ZSWIM5: variants seen among roughly 807,000 people sequenced by gnomAD.
ZSWIM5 encodes the protein zinc finger SWIM domain-containing protein 5.
A neutral mutation model predicts 119.6 loss-of-function variants in ZSWIM5; 55 were observed. The ratio of observed to expected loss-of-function variants is 0.46; its 90% confidence interval spans 0.37 to 0.58. The LOEUF is 0.58. Ranked by LOEUF, ZSWIM5 falls within the 20% of genes least tolerant of loss-of-function variation. The probability of loss-of-function intolerance (pLI) is 0.00; values close to 1 mark genes in which losing one functional copy is unlikely to be tolerated. For missense variants in ZSWIM5, 1,193 were observed against 1,512.8 expected, an observed-to-expected ratio of 0.79 and a Z score of 3.51; for synonymous variants, 537 against 606.9, an observed-to-expected ratio of 0.88 and a Z score of 1.69.
rs562681857 is a variant in ZSWIM5, at chr1:45,172,241, C to T, written c.595+33515G>A. On this transcript the variant is annotated intron_variant, in intron 1 of 13. Transcript: ENST00000359600. ...CGGCTTCCCTATACTTTGTTTTGAC[C>T]GTATTTGCTGAGCAAATATTAATAG... 3.8e-4 allele frequency among the ~76,000 whole-genome samples: 58 copies of T among 152,032 alleles called. 1 individual carries two copies. The highest frequency in any genetic ancestry group is 1.2e-3 in the South Asian group (6 of 4,814).
At position 45,065,689 on chromosome 1, in the gene ZSWIM5, A is replaced by G. The variant is rs114565055; in HGVS notation, c.953-5442T>C. On this transcript the variant is annotated intron_variant, in intron 2 of 13. Transcript: ENST00000359600. Reference sequence around the variant, plus strand: ...GCTGGCCTACAATGGACCCCAGGAGAAACTGAGCTGCTAAAATGGGTGACA... The same window carrying G: ...GCTGGCCTACAATGGACCCCAGGAGGAACTGAGCTGCTAAAATGGGTGACA... Among the ~76,000 whole-genome samples the G allele has an allele frequency of 1.9e-3, 293 of 152,252 alleles. 1 individual carries two copies. The highest frequency in any genetic ancestry group is 6.6e-3 in the African/African-American group (273 of 41,546).
chr1:45,165,749 C>T (rs551995925), intron 1 of ZSWIM5, among the ~76,000 whole-genome samples: 1 of 151,904 alleles, frequency 6.6e-6, no homozygotes, highest in Non-Finnish European at 1.5e-5. Context: ...CACATACACC[C>T]TCCCAAGACT....
At chr1:45,173,959 C>T (rs923252359) in intron 1 of ZSWIM5, among the ~76,000 whole-genome samples, 1 of 151,984 alleles carries the variant, frequency 6.6e-6, no homozygotes, top group Non-Finnish European at 1.5e-5. Flanking sequence ...TATGTTTGTA[C>T]TGATTATAAT....
chr1:45,071,757 C>A, intron 2 of ZSWIM5, among the ~76,000 whole-genome samples: 1 of 152,130 alleles, frequency 6.6e-6, no homozygotes, highest in East Asian at 1.9e-4. Context: ...CTGCACCCAG[C>A]TGATCTCATT....
At chr1:45,064,861 CTT>C (rs1016401329) in intron 2 of ZSWIM5, among the ~76,000 whole-genome samples, 4 of 152,180 alleles carry the variant, frequency 2.6e-5, no homozygotes, top group Non-Finnish European at 4.4e-5. Context: ...AAGCCTGTCT[CTT>C]TACTACAAGG....
Position 45,093,869 on chromosome 1 carries a change from G to A in ZSWIM5, c.596-5632C>T, listed in dbSNP as rs191069745. Among the ~76,000 whole-genome samples, 421 of 147,722 alleles carry A rather than the reference G, an allele frequency of 2.8e-3. 1 individual carries two copies. The highest frequency in any genetic ancestry group is 9.9e-3 in the African/African-American group (395 of 39,950). On this transcript the variant is annotated intron_variant, in intron 1 of 13. Coordinates refer to ENST00000359600, the MANE Select transcript of ZSWIM5 (RefSeq NM_020883.2). Reference sequence around the variant, plus strand: ...TTGTTTTTTTTTTTTTTTGAGACAGGGTCTTGCTCCGTTACCCAGGCTGGA... The same window carrying A: ...TTGTTTTTTTTTTTTTTTGAGACAGAGTCTTGCTCCGTTACCCAGGCTGGA...
intron 5 of ZSWIM5, 120 bp from the exon 6 acceptor site, chr1:45,043,515 G>A: frequency 4.2e-6 from 4 of 963,394 alleles, no homozygotes; most frequent in Non-Finnish European, 6.2e-6. Context: ...AACTCTGGCA[G>A]CAGTATTGAG....
intron 1 of ZSWIM5, among the ~76,000 whole-genome samples, chr1:45,198,270 C>T (rs1646137925): frequency 6.6e-6 from 1 of 152,190 alleles, no homozygotes; most frequent in Admixed American, 6.5e-5. Flanking sequence ...GATCCGGAGG[C>T]ATTTCACTGA....
intron 1 of ZSWIM5, among the ~76,000 whole-genome samples, chr1:45,094,719 C>T (rs1019744416): frequency 2.0e-5 from 3 of 152,006 alleles, no homozygotes; most frequent in Non-Finnish European, 4.4e-5. Context: ...AAAAATTAGC[C>T]AGGCGTGGTG....
chr1:45,099,020 C>T (rs1645421013), intron 1 of ZSWIM5, among the ~76,000 whole-genome samples: 1 of 152,082 alleles, frequency 6.6e-6, no homozygotes, highest in African/African-American at 2.4e-5. Flanking sequence ...CATTCAAAAG[C>T]TAGCAGAAGG....
At chr1:45,164,336 G>A (rs1185985030) in intron 1 of ZSWIM5, among the ~76,000 whole-genome samples, 1 of 152,092 alleles carries the variant, frequency 6.6e-6, no homozygotes, top group African/African-American at 2.4e-5. Context: ...AACATGGAAA[G>A]GAACAACCGG....
intron 11 of ZSWIM5, among the ~76,000 whole-genome samples, chr1:45,033,437 A>T (rs1378660960): frequency 6.6e-6 from 1 of 152,138 alleles, no homozygotes; most frequent in African/African-American, 2.4e-5. Context: ...CCTGGTCTAA[A>T]ATATTCAGGA....
chr1:45,134,591 ACT>A (rs1557776306), intron 1 of ZSWIM5, among the ~76,000 whole-genome samples: 1 of 152,198 alleles, frequency 6.6e-6, no homozygotes, highest in Non-Finnish European at 1.5e-5. Flanking sequence ...TTCCATCCAG[ACT>A]GGAAAAAGCA....
At chr1:45,181,402 C>T (rs1646017812) in intron 1 of ZSWIM5, among the ~76,000 whole-genome samples, 1 of 151,936 alleles carries the variant, frequency 6.6e-6, no homozygotes, top group South Asian at 2.1e-4. Context: ...TAAAAAGAAA[C>T]AAACAAAGCC....
rs770774091 is a variant in ZSWIM5, at chr1:45,018,659, G to A, written c.3353C>T (p.Ala1118Val). Residue 1118 changes from alanine to valine, a missense_variant, in exon 14 of 14, where the codon GCC (alanine) becomes GTC (valine). Ala to Val is a moderately conservative substitution (Grantham distance 64). Coordinates refer to ENST00000359600, the MANE Select transcript of ZSWIM5 (RefSeq NM_020883.2). This position sits in a 1 kb window ranked among gnomAD's most constrained non-coding sequence, Gnocchi z 6.7. Reference protein sequence around the residue: ...LRQLLDATINAYINTTHSRLT... With the variant: ...LRQLLDATINVYINTTHSRLT... ...GCGTGAGTGTGTAGTGTTGATATAG[G>A]CATTGATGGTGGCATCCAGCAACTG... is the stretch of plus-strand genomic sequence containing the variant. 1.2e-6 allele frequency: 2 copies of A among 1,614,250 alleles called. No individual in the cohort carries two copies. Among genetic ancestry groups the A allele is most frequent in the South Asian group, 1.1e-5 (1 of 91,090 alleles).
At chr1:45,049,659 C>A (rs1235052382) in intron 5 of ZSWIM5, among the ~76,000 whole-genome samples, 1 of 151,974 alleles carries the variant, frequency 6.6e-6, no homozygotes, top group African/African-American at 2.4e-5. Context: ...ACTAAATATA[C>A]AAAAATTAGC....
intron 1 of ZSWIM5, among the ~76,000 whole-genome samples, chr1:45,130,053 A>G (rs1351946060): frequency 6.6e-6 from 1 of 152,180 alleles, no homozygotes; most frequent in East Asian, 1.9e-4. Context: ...GCCTGCCACC[A>G]TGCCCGGCTA....
chr1:45,114,986 C>T (rs965757630), intron 1 of ZSWIM5, among the ~76,000 whole-genome samples: 3 of 152,164 alleles, frequency 2.0e-5, no homozygotes, highest in African/African-American at 7.2e-5. Context: ...CAACAGCATC[C>T]CAAGGCAGAA....
chr1:45,112,679 G>C (rs1330213188), intron 1 of ZSWIM5, among the ~76,000 whole-genome samples: 1 of 152,154 alleles, frequency 6.6e-6, no homozygotes, highest in Non-Finnish European at 1.5e-5. Context: ...TTGTAATTTA[G>C]CATGACCCTT....
Sources: allele counts gnomAD v4.1 joint callset (sites outside exome capture counted in the v4.1 genomes callset), GRCh38; gene constraint gnomAD v4.1.1; non-coding constraint Gnocchi (gnomAD v3.1); transcripts MANE v1.5; gene names NCBI Gene and HGNC (gene_info 2026-07-23, HGNC 2026-07-21).